The following RASEF variants were observed in gnomAD, a reference collection of about 807,000 sequenced individuals.
RASEF encodes RAS and EF-hand domain containing, also known as ras and EF-hand domain-containing protein.
In RASEF, 68 loss-of-function variants were observed where a neutral mutation model predicts 90.1. The ratio of observed to expected loss-of-function variants is 0.75; its 90% CI spans 0.62 to 0.92. The LOEUF (loss-of-function observed/expected upper bound fraction) is 0.92. RASEF is among the 40% of genes least tolerant of loss of function. The pLI is 0.00. For synonymous variants in RASEF, 331 were observed against 345.2 expected, an observed-to-expected ratio of 0.96 and a Z score of 0.46; for missense variants, 949 against 937.2, an observed-to-expected ratio of 1.01 and a Z score of -0.16.
At chr9:83,176,748 C>T in the RASEF span, among the ~76,000 whole-genome samples, 1 of 151,932 alleles carries the variant, frequency 6.6e-6, no homozygotes, top group African/African-American at 2.4e-5. Context: ...ATAAATGTTA[C>T]TCCTTTATAG....
intron 1 of RASEF, among the ~76,000 whole-genome samples, chr9:83,053,835 T>G (rs1200741706): frequency 1.8e-4 from 19 of 103,254 alleles, no homozygotes; most frequent in African/African-American, 3.2e-4. Context: ...AAATTCTGGG[T>G]TGAAAATTCT....
Position 82,979,686 on chromosome 9 carries a change from A to C in RASEF, c.*2991T>G, listed in dbSNP as rs1272481293. ...TATAAAAATTACACTTTATGGTATA[A>C]TTATTAAGGTTTGAAGAGAAATAAA... is the stretch of plus-strand genomic sequence containing the variant. On this transcript the variant is annotated 3_prime_UTR_variant, in exon 17 of 17. Transcript: ENST00000376447. 2 of 152,222 alleles carry C rather than the reference A, an allele frequency of 1.3e-5. No homozygotes were observed. The highest frequency in any genetic ancestry group is 3.8e-4 in the East Asian group (2 of 5,198). 9.4% of individuals were successfully genotyped at this position (152,222 alleles called of 1,614,324 possible).
the RASEF span, among the ~76,000 whole-genome samples, chr9:83,210,988 T>A: frequency 6.6e-6 from 1 of 151,590 alleles, no homozygotes; most frequent in Non-Finnish European, 1.5e-5. Context: ...AAGGACATTA[T>A]CTTTCATACT....
intron 1 of RASEF, among the ~76,000 whole-genome samples, chr9:83,034,054 A>T (rs555422894): frequency 2.0e-5 from 3 of 152,326 alleles, no homozygotes; most frequent in African/African-American, 7.2e-5. Context: ...TTAACTAGAA[A>T]ATAAATTCTA....
chr9:83,003,023 A>G (rs1255671755), intron 9 of RASEF, among the ~76,000 whole-genome samples: 1 of 152,254 alleles, frequency 6.6e-6, no homozygotes, highest in Non-Finnish European at 1.5e-5. Flanking sequence ...GTAAAAGTAC[A>G]AAACAAATTA....
At chr9:83,097,615 A>G in the RASEF span, among the ~76,000 whole-genome samples, 1 of 152,252 alleles carries the variant, frequency 6.6e-6, no homozygotes, top group Non-Finnish European at 1.5e-5. Flanking sequence ...ACTTCTCAAA[A>G]GAAGACATTT....
intron 5 of RASEF, among the ~76,000 whole-genome samples, chr9:83,010,485 T>C (rs1829219698): frequency 6.6e-6 from 1 of 152,088 alleles, no homozygotes; most frequent in African/African-American, 2.4e-5. Context: ...TTAGAGGAAG[T>C]GTGTTTAAGG....
intron 8 of RASEF, among the ~76,000 whole-genome samples, 171 bp downstream of exon 8, chr9:83,005,245 A>C (rs1829107788): frequency 6.6e-6 from 1 of 152,206 alleles, no homozygotes; most frequent in African/African-American, 2.4e-5. Context: ...GAGGAGTAGC[A>C]TATTTTTTAA....
upstream of RASEF, among the ~76,000 whole-genome samples, chr9:83,064,775 A>C (rs12336660): frequency 0.02 from 3,074 of 152,258 alleles, 108 homozygotes; most frequent in African/African-American, 0.07. Context: ...GTCATCAAGA[A>C]ACACGAATTG....
At chr9:83,058,157 C>G (rs1161370770) in intron 1 of RASEF, among the ~76,000 whole-genome samples, 1 of 141,786 alleles carries the variant, frequency 7.1e-6, no homozygotes, top group Non-Finnish European at 1.5e-5. Flanking sequence ...CGGCTCACTC[C>G]TGATGTATTT....
At chr9:82,989,315 G>C (rs1828771392) in intron 16 of RASEF, among the ~76,000 whole-genome samples, 1 of 152,064 alleles carries the variant, frequency 6.6e-6, no homozygotes, top group Non-Finnish European at 1.5e-5. Flanking sequence ...CTGGGTTCAA[G>C]TGATCCTCCA....
chr9:83,159,641 G>T, the RASEF span, among the ~76,000 whole-genome samples: 1 of 152,232 alleles, frequency 6.6e-6, no homozygotes, highest in East Asian at 1.9e-4. Flanking sequence ...TATATTCTAT[G>T]TTGAAATGAA....
At chr9:83,160,917 C>T in the RASEF span, among the ~76,000 whole-genome samples, 2,186 of 152,318 alleles carry the variant, frequency 0.014, 20 homozygotes, top group Non-Finnish European at 0.023. Context: ...GCCTTGGCAT[C>T]CTCCATGGGG....
the RASEF span, among the ~76,000 whole-genome samples, chr9:83,081,557 C>T: frequency 1.3e-5 from 2 of 152,128 alleles, no homozygotes. Context: ...TCCAAGGAAA[C>T]AAATTCCCTC....
chr9:82,987,977 A>G (rs10780561), intron 16 of RASEF, among the ~76,000 whole-genome samples: 82,550 of 152,102 alleles, frequency 0.54, 22,715 homozygotes, highest in East Asian at 0.83. Context: ...TTACTGCTGC[A>G]TGGGAGCAGC....
At chr9:83,173,290 T>G in the RASEF span, among the ~76,000 whole-genome samples, 1 of 151,982 alleles carries the variant, frequency 6.6e-6, no homozygotes, top group Non-Finnish European at 1.5e-5. Flanking sequence ...TCTCTGGGTT[T>G]GGAAAGTTGG....
chr9:83,208,794 C>T, the RASEF span, among the ~76,000 whole-genome samples: 4 of 152,162 alleles, frequency 2.6e-5, no homozygotes, highest in African/African-American at 9.7e-5. Flanking sequence ...CTATGAATAT[C>T]CATTTGGGTA....
the RASEF span, among the ~76,000 whole-genome samples, chr9:83,096,647 A>G: frequency 6.6e-6 from 1 of 151,422 alleles, no homozygotes; most frequent in Non-Finnish European, 1.5e-5. Flanking sequence ...TTCTTTTATT[A>G]TACTTTAAGT....
intron 1 of RASEF, chr9:83,055,582 C>G: frequency 1.4e-6 from 1 of 717,670 alleles, no homozygotes; most frequent in Non-Finnish European, 2.6e-6. Context: ...CTCGATTGTC[C>G]AAAGTGTTTC....
Sources: allele counts gnomAD v4.1 joint callset (sites outside exome capture counted in the v4.1 genomes callset), GRCh38; gene constraint gnomAD v4.1.1; transcripts MANE v1.5; gene names NCBI Gene and HGNC (gene_info 2026-07-23, HGNC 2026-07-21).